The following NTM variants were observed in gnomAD, a reference collection of about 807,000 sequenced individuals.
NTM encodes the protein neurotrimin, also known as IgLON family member 2.
NTM carries 13 observed loss-of-function variants against 42.1 expected under a neutral mutation model. The observed-to-expected ratio is 0.31, with a 90% CI of 0.20 to 0.49. The LOEUF is 0.49. Among genes scored for constraint, NTM ranks in the 20% least tolerant of loss-of-function variants. The pLI, the probability that NTM is intolerant of heterozygous loss-of-function variation, is 0.99. For synonymous variants in NTM, 187 were observed against 179.2 expected (o/e 1.04, Z -0.35); for missense variants, 373 against 452.8 (o/e 0.82, Z 1.60).
intron 1 of NTM, among the ~76,000 whole-genome samples, chr11:131,401,830 A>ATATATATATATATG (rs1945236215): frequency 1.5e-5 from 1 of 65,328 alleles, no homozygotes; most frequent in African/African-American, 7.2e-5. Context: ...ATATATATAT[A>ATATATATATATATG]TATATATATA....
intron 2 of NTM, among the ~76,000 whole-genome samples, chr11:132,130,998 G>A (rs752455534): frequency 9.9e-5 from 15 of 152,210 alleles, no homozygotes; most frequent in Non-Finnish European, 5.9e-5. Flanking sequence ...TGTGAGATAT[G>A]AATTATATGA....
intron 1 of NTM, among the ~76,000 whole-genome samples, chr11:131,873,752 A>G (rs957943465): frequency 3.5e-5 from 5 of 144,266 alleles, no homozygotes; most frequent in African/African-American, 7.6e-5. Context: ...TGATACATAT[A>G]TATCAGAATG....
intron 3 of NTM, among the ~76,000 whole-genome samples, chr11:132,207,224 C>T (rs1022206124): frequency 6.6e-6 from 1 of 152,166 alleles, no homozygotes; most frequent in African/African-American, 2.4e-5. Flanking sequence ...TTTGTATTTA[C>T]AGCCACTCCC....
intron 1 of NTM, among the ~76,000 whole-genome samples, chr11:131,786,030 G>T (rs1303558617): frequency 2.0e-5 from 3 of 152,126 alleles, no homozygotes; most frequent in Non-Finnish European, 4.4e-5. Flanking sequence ...CAGACAGAAG[G>T]CTATCTCACT....
At chr11:132,206,408 G>A (rs2081998170) in intron 3 of NTM, among the ~76,000 whole-genome samples, 1 of 152,112 alleles carries the variant, frequency 6.6e-6, no homozygotes, top group Non-Finnish European at 1.5e-5. Flanking sequence ...CTGCATATAT[G>A]TGTTTGCCAA....
intron 1 of NTM, among the ~76,000 whole-genome samples, chr11:131,682,202 CCT>C (rs2073071320): frequency 6.6e-6 from 1 of 152,206 alleles, no homozygotes; most frequent in South Asian, 2.1e-4. Flanking sequence ...TGAACGCCTT[CCT>C]CTGTGAGCTA....
intron 2 of NTM, among the ~76,000 whole-genome samples, chr11:132,020,819 G>A (rs1245027750): frequency 1.3e-5 from 2 of 151,784 alleles, no homozygotes; most frequent in African/African-American, 4.8e-5. Context: ...TTTCTTATAT[G>A]GTTGTTTTAT....
chr11:131,954,750 C>G (rs2061386850), intron 2 of NTM, among the ~76,000 whole-genome samples: 1 of 152,154 alleles, frequency 6.6e-6, no homozygotes, highest in Non-Finnish European at 1.5e-5. Context: ...TCATTGTTAA[C>G]ACAGTAGTGT....
At chr11:131,632,543 A>G (rs1284809933) in intron 1 of NTM, among the ~76,000 whole-genome samples, 1 of 152,008 alleles carries the variant, frequency 6.6e-6, no homozygotes, top group Non-Finnish European at 1.5e-5. Context: ...TCTTCCAGAT[A>G]GGGTTCTTCC....
rs559696718 is a variant in NTM at position 131,440,943 on chromosome 11, G to C, written c.82+70055G>C. 2.0e-5 allele frequency among the ~76,000 whole-genome samples: 3 copies of C among 146,354 alleles called. No homozygotes were observed. The South Asian group carries it at 6.5e-4, about 32-fold the overall frequency. ...AGGCATTTCAGTTTTTGCTTTCCCTGCTTTGCTGAATCAGTTACCATTCAT... is the reference window on the plus strand; with the variant it reads ...AGGCATTTCAGTTTTTGCTTTCCCTCCTTTGCTGAATCAGTTACCATTCAT... On this transcript the variant is annotated intron_variant, in intron 1 of 8. Coordinates refer to ENST00000683400, the MANE Select transcript of NTM (RefSeq NM_001352005.2).
intron 1 of NTM, among the ~76,000 whole-genome samples, chr11:131,665,037 C>T (rs1055246912): frequency 3.3e-5 from 5 of 152,246 alleles, no homozygotes; most frequent in African/African-American, 1.2e-4. Flanking sequence ...CCCACCAAGC[C>T]TTAGGGAGAA....
chr11:131,841,283 C>T (rs974041221), intron 1 of NTM, among the ~76,000 whole-genome samples: 1 of 152,162 alleles, frequency 6.6e-6, no homozygotes, highest in Non-Finnish European at 1.5e-5. Context: ...AATATAGTGA[C>T]ACAGCAAGAT....
At chr11:131,464,340 G>A (rs1353164771) in intron 1 of NTM, among the ~76,000 whole-genome samples, 1 of 149,936 alleles carries the variant, frequency 6.7e-6, no homozygotes, top group Non-Finnish European at 1.5e-5. Context: ...CACTACACCC[G>A]CAGCAACGCA....
At chr11:131,900,809 AGG>A (rs1432158401) in intron 1 of NTM, among the ~76,000 whole-genome samples, 3 of 152,254 alleles carry the variant, frequency 2.0e-5, no homozygotes, top group Admixed American at 6.5e-5. Flanking sequence ...AAGCAATACT[AGG>A]AGAATTTTTA....
intron 1 of NTM, among the ~76,000 whole-genome samples, chr11:131,687,542 G>T (rs1188860796): frequency 2.0e-5 from 3 of 152,210 alleles, no homozygotes; most frequent in Non-Finnish European, 4.4e-5. Flanking sequence ...GTCCCGCCTT[G>T]CCTGTCTTCC....
chr11:132,314,995 A>C, intron 7 of NTM: 2 of 1,168,806 alleles, frequency 1.7e-6, no homozygotes, highest in Non-Finnish European at 2.1e-6. Context: ...AAGGAAAATG[A>C]AAAAGAATGT....
intron 1 of NTM, among the ~76,000 whole-genome samples, chr11:131,563,098 A>C (rs1592060388): frequency 1.3e-5 from 2 of 152,136 alleles, no homozygotes; most frequent in African/African-American, 4.8e-5. Context: ...CTCAGTTTCC[A>C]CATCTGGAAA....
At chr11:131,391,621 T>G (rs1591539744) in intron 1 of NTM, among the ~76,000 whole-genome samples, 1 of 84,804 alleles carries the variant, frequency 1.2e-5, no homozygotes, top group African/African-American at 4.4e-5. Context: ...GAATTTGAAA[T>G]CAGTCAAATG....
chr11:131,997,310 C>T (rs920561182), intron 2 of NTM, among the ~76,000 whole-genome samples: 1 of 152,190 alleles, frequency 6.6e-6, no homozygotes, highest in African/African-American at 2.4e-5. Context: ...AATGGCCATA[C>T]TGCATCATTC....
Sources: allele counts gnomAD v4.1 joint callset (sites outside exome capture counted in the v4.1 genomes callset), GRCh38; gene constraint gnomAD v4.1.1; transcripts MANE v1.5; gene names NCBI Gene and HGNC (gene_info 2026-07-23, HGNC 2026-07-21).